RIMBP2: variants seen among roughly 807,000 people sequenced by gnomAD.
RIMBP2 encodes RIMS-binding protein 2.
Under a neutral mutation model 118.6 loss-of-function variants are expected in RIMBP2, and 48 were observed. The observed-to-expected ratio is 0.40, with a 90% CI of 0.32 to 0.51. The LOEUF is 0.51. Ranked by LOEUF, RIMBP2 falls within the 20% of genes least tolerant of loss-of-function variation. RIMBP2 has a pLI of 0.41. For synonymous variants in RIMBP2, 762 were observed against 742.9 expected (o/e 1.03, Z -0.42); for missense variants, 1,551 against 1,768.3 (o/e 0.88, Z 2.20).
chr12:130,418,556 G>A (rs368089313), intron 17 of RIMBP2, among the ~76,000 whole-genome samples: 63 of 152,236 alleles, frequency 4.1e-4, no homozygotes, highest in Middle Eastern at 3.4e-3. Flanking sequence ...TTCCAGGTAC[G>A]GAAAAATGCC....
In RIMBP2 at chr12:130,642,925, A is replaced by G. The variant is rs1356882095; in HGVS notation, c.-351-14469T>C. 2.6e-5 allele frequency among the ~76,000 whole-genome samples: 4 copies of G among 152,250 alleles called. No homozygotes were observed. The East Asian group carries it at 7.7e-4, about 29-fold the overall frequency. On this transcript the variant is annotated intron_variant, in intron 1 of 22. Coordinates refer to ENST00000690449, the MANE Select transcript of RIMBP2 (RefSeq NM_001393629.1). The stretch of plus-strand genomic sequence containing the variant: ...CTGAGAGAGGGGCTAGAAGGAGGGA[A>G]CCTGCTTCCCTCCGTGGAGCGCCAT...
chr12:130,438,335 A>ACCCCCCCCCC (rs146625626), intron 12 of RIMBP2, 30 bp downstream of exon 12: 258 of 865,664 alleles, frequency 3.0e-4, no homozygotes, highest in East Asian at 1.3e-3. Context: ...GGCCTAACAA[A>ACCCCCCCCCC]CCCTCCCCAC....
intron 4 of RIMBP2, among the ~76,000 whole-genome samples, chr12:130,497,959 T>A (rs1167969396): frequency 6.6e-6 from 1 of 152,202 alleles, no homozygotes; most frequent in Non-Finnish European, 1.5e-5. Flanking sequence ...CTCCTGTGTT[T>A]ATTCCCCTTG....
chr12:130,528,862 G>A (rs948436837), intron 2 of RIMBP2, among the ~76,000 whole-genome samples: 1 of 152,190 alleles, frequency 6.6e-6, no homozygotes, highest in Non-Finnish European at 1.5e-5. Context: ...CAGTGGAGAT[G>A]TAAAATGGTG....
Position 130,704,184 on chromosome 12 carries a change from C to A in RIMBP2, c.-352+12038G>T, listed in dbSNP as rs554121300. ...GAAGTGCAGGAGGAGGGACGAGGAC[C>A]GAGGAGGCAGAGGGAGGGTGCTCTG... On this transcript the variant is annotated intron_variant, in intron 1 of 22. Transcript: ENST00000690449. Among the ~76,000 whole-genome samples, 397 of 152,156 alleles carry A rather than the reference C, an allele frequency of 2.6e-3. 2 individuals are homozygous for A. Among genetic ancestry groups the A allele is most frequent in the Non-Finnish European group, 4.6e-3 (314 of 67,992 alleles).
At chr12:130,580,231 G>A (rs2058375190) in intron 2 of RIMBP2, among the ~76,000 whole-genome samples, 1 of 151,848 alleles carries the variant, frequency 6.6e-6, no homozygotes, top group Non-Finnish European at 1.5e-5. Flanking sequence ...GACCCCATAT[G>A]GTTTGGCTGT....
chr12:130,644,588 C>G (rs547145456), intron 1 of RIMBP2, among the ~76,000 whole-genome samples: 2 of 152,316 alleles, frequency 1.3e-5, no homozygotes, highest in South Asian at 4.1e-4. Flanking sequence ...AGCACACCTG[C>G]GTCTAAGCCC....
At chr12:130,401,059 T>C (rs941449417) in intron 21 of RIMBP2, among the ~76,000 whole-genome samples, 22 of 152,240 alleles carry the variant, frequency 1.4e-4, no homozygotes, top group African/African-American at 4.1e-4. Context: ...TGGTGATTGT[T>C]TGCACAATGT....
At chr12:130,540,085 AGGATAT>A (rs2054463107) in intron 2 of RIMBP2, among the ~76,000 whole-genome samples, 3 of 143,146 alleles carry the variant, frequency 2.1e-5, no homozygotes. Context: ...GGCCAGGTGT[AGGATAT>A]GGCAAATGCA....
chr12:130,455,465 G>A (rs528021826), intron 7 of RIMBP2, among the ~76,000 whole-genome samples: 1 of 152,334 alleles, frequency 6.6e-6, no homozygotes, highest in Non-Finnish European at 1.5e-5. Context: ...AGTGCCTGGA[G>A]ATGAGCGGCA....
intron 9 of RIMBP2, among the ~76,000 whole-genome samples, chr12:130,448,291 C>T (rs781524295): frequency 2.0e-5 from 3 of 152,154 alleles, no homozygotes; most frequent in African/African-American, 4.8e-5. Flanking sequence ...GGTCAGTCCT[C>T]GGGGGACATT....
intron 2 of RIMBP2, among the ~76,000 whole-genome samples, chr12:130,531,489 CTG>C (rs1407642220): frequency 2.0e-5 from 3 of 152,232 alleles, no homozygotes; most frequent in African/African-American, 7.2e-5. Context: ...GCACCCACAT[CTG>C]TGAAATAGCA....
At chr12:130,533,168 C>G (rs10848136) in intron 2 of RIMBP2, among the ~76,000 whole-genome samples, 1 of 149,036 alleles carries the variant, frequency 6.7e-6, no homozygotes, top group Admixed American at 6.7e-5. Flanking sequence ...CTAGGAGTTA[C>G]GTCTAATGAG....
intron 1 of RIMBP2, among the ~76,000 whole-genome samples, chr12:130,648,536 T>C (rs2063087180): frequency 6.8e-6 from 1 of 146,204 alleles, no homozygotes; most frequent in South Asian, 2.1e-4. Flanking sequence ...ATGTTATCCA[T>C]GATGATTTTA....
At chr12:130,546,200 T>A in intron 2 of RIMBP2, among the ~76,000 whole-genome samples, 2 of 141,140 alleles carry the variant, frequency 1.4e-5, no homozygotes, top group Non-Finnish European at 1.5e-5. Flanking sequence ...GCCTCCCAGG[T>A]TCAAGTGATT....
chr12:130,674,860 A>G (rs1305138053), intron 1 of RIMBP2, among the ~76,000 whole-genome samples: 1 of 151,890 alleles, frequency 6.6e-6, no homozygotes, highest in Non-Finnish European at 1.5e-5. Flanking sequence ...GGGATCCTGT[A>G]ACACGTGGCC....
At chr12:130,665,573 T>C (rs2063883447) in intron 1 of RIMBP2, among the ~76,000 whole-genome samples, 1 of 151,520 alleles carries the variant, frequency 6.6e-6, no homozygotes, top group Non-Finnish European at 1.5e-5. Context: ...CCAAATCTAA[T>C]TGTGAGGAAA....
intron 1 of RIMBP2, among the ~76,000 whole-genome samples, chr12:130,629,326 C>A (rs1286721708): frequency 6.6e-6 from 1 of 152,206 alleles, no homozygotes; most frequent in Non-Finnish European, 1.5e-5. Context: ...GTTCTGAGCA[C>A]CTGCAAAGTT....
chr12:130,691,627 C>A (rs911316068), intron 1 of RIMBP2, among the ~76,000 whole-genome samples: 1 of 152,132 alleles, frequency 6.6e-6, no homozygotes, highest in Non-Finnish European at 1.5e-5. Context: ...GCACAGATGG[C>A]CCCACTGCAC....
Sources: allele counts gnomAD v4.1 joint callset (sites outside exome capture counted in the v4.1 genomes callset), GRCh38; gene constraint gnomAD v4.1.1; transcripts MANE v1.5; gene names NCBI Gene and HGNC (gene_info 2026-07-23, HGNC 2026-07-21).